Variants in FAM124A observed in about 807,000 individuals in gnomAD.
The protein encoded by FAM124A is family with sequence similarity 124 member A, also known as protein FAM124A.
A neutral mutation model predicts 24.5 loss-of-function variants in FAM124A; 23 were observed. That is an observed-to-expected ratio of 0.94 (90% CI 0.68 to 1.33). FAM124A has a LOEUF of 1.33. Ranked by LOEUF, FAM124A falls within the 40% of genes most tolerant of loss-of-function variation. The probability of loss-of-function intolerance (pLI) is 0.00; values close to 1 mark genes in which losing one functional copy is unlikely to be tolerated. For synonymous variants in FAM124A, 287 were observed against 314.7 expected (o/e 0.91, Z 0.93); for missense variants, 623 against 722.8 (o/e 0.86, Z 1.58).
At chr13:51,254,882 T>C (rs142841574) in intron 3 of FAM124A, among the ~76,000 whole-genome samples, 52 of 152,304 alleles carry the variant, frequency 3.4e-4, no homozygotes, top group African/African-American at 1.1e-3. Context: ...ACCAAAAAGT[T>C]CACATTGTAA....
rs1350646237 is a variant in FAM124A at position 51,282,661 on chromosome 13, G to A, written c.*1405G>A. ...GCACAGTGTTCATCTCTCTGGAAATGCCCACGCCAGCCCAGACACAGCCTC... is the reference window on the plus strand; with the variant it reads ...GCACAGTGTTCATCTCTCTGGAAATACCCACGCCAGCCCAGACACAGCCTC... On this transcript the variant is annotated 3_prime_UTR_variant, in exon 4 of 4. Coordinates refer to ENST00000322475, the MANE Select transcript of FAM124A (RefSeq NM_001242312.2). 6.6e-6 allele frequency: 1 copy of A among 152,114 alleles called. No individual in the cohort carries two copies. The highest frequency in any genetic ancestry group is 6.5e-5 in the Admixed American group (1 of 15,268). The allele number at this position is 152,114 out of a possible 1,614,324, so 9.4% of individuals were successfully genotyped here. A position where few individuals can be genotyped will look rare whatever the true frequency, so the allele number is the denominator to read the frequency against.
Position 51,251,357 on chromosome 13 carries a change from G to A in FAM124A, c.101-111G>A. Reference sequence around the variant, plus strand: ...AATCACAGGTCATGGAGTCAGTTCAGTTAGAATTTGACTTCTCTTCCTGTC... The same window carrying A: ...AATCACAGGTCATGGAGTCAGTTCAATTAGAATTTGACTTCTCTTCCTGTC... On this transcript the variant is annotated intron_variant, in intron 2 of 3. Transcript: ENST00000322475. This position sits in a 1 kb window ranked among gnomAD's most constrained non-coding sequence, Gnocchi z 5.3. The A allele has an allele frequency of 7.5e-7, 1 of 1,329,796 alleles. No homozygotes were observed. The highest frequency in any genetic ancestry group is 2.5e-5 in the South Asian group (1 of 40,446). 82.4% of individuals were successfully genotyped at this position (1,329,796 alleles called of 1,614,324 possible).
chr13:51,264,010 T>C (rs1954761523), intron 3 of FAM124A, among the ~76,000 whole-genome samples: 1 of 152,204 alleles, frequency 6.6e-6, no homozygotes, highest in Non-Finnish European at 1.5e-5. Context: ...TCATTCAAAA[T>C]AACAGTAAAT....
intron 1 of FAM124A, among the ~76,000 whole-genome samples, chr13:51,230,235 C>T (rs2137646709): frequency 6.6e-6 from 1 of 152,042 alleles, no homozygotes; most frequent in Non-Finnish European, 1.5e-5. Flanking sequence ...CATTTTGTTC[C>T]TCGACCAATA....
chr13:51,267,253 C>A (rs1954793593), intron 3 of FAM124A, among the ~76,000 whole-genome samples: 1 of 152,134 alleles, frequency 6.6e-6, no homozygotes, highest in Non-Finnish European at 1.5e-5. Flanking sequence ...TAGATAAACC[C>A]TCCTGTGGAA....
At chr13:51,265,356 AG>A (rs1954775339) in intron 3 of FAM124A, among the ~76,000 whole-genome samples, 2 of 150,850 alleles carry the variant, frequency 1.3e-5, no homozygotes, top group African/African-American at 4.9e-5. Flanking sequence ...GCCCAGGGCC[AG>A]GTGAAGCTGA....
intron 3 of FAM124A, among the ~76,000 whole-genome samples, chr13:51,271,740 G>T (rs923098749): frequency 6.6e-6 from 1 of 152,134 alleles, no homozygotes; most frequent in African/African-American, 2.4e-5. Flanking sequence ...TCTTGAGGAC[G>T]CTGCCAGTAT....
At chr13:51,228,342 A>T (rs1038775116) in intron 1 of FAM124A, among the ~76,000 whole-genome samples, 1 of 152,222 alleles carries the variant, frequency 6.6e-6, no homozygotes, top group Non-Finnish European at 1.5e-5. Context: ...AATATAGACA[A>T]GGGACTGCAT....
At chr13:51,262,977 G>A (rs913879217) in intron 3 of FAM124A, among the ~76,000 whole-genome samples, 2 of 152,226 alleles carry the variant, frequency 1.3e-5, no homozygotes, top group African/African-American at 4.8e-5. Flanking sequence ...CACAGGGTCA[G>A]GTAGAGGGCT....
chr13:51,247,855 C>T (rs1360494328), intron 2 of FAM124A, among the ~76,000 whole-genome samples: 1 of 152,172 alleles, frequency 6.6e-6, no homozygotes, highest in Admixed American at 6.5e-5. Context: ...CGCAGCTTTA[C>T]TACTTTTGCG....
In FAM124A at chr13:51,246,410, G is replaced by A. The variant is rs564549549; in HGVS notation, c.101-5058G>A. On this transcript the variant is annotated intron_variant, in intron 2 of 3. Coordinates refer to ENST00000322475, the MANE Select transcript of FAM124A (RefSeq NM_001242312.2). The stretch of plus-strand genomic sequence containing the variant: ...AGGCATGTTTCTCGTGGGGTGGGGG[G>A]GGGTGTAACTCTAACACCTGATGAC... 2.5e-3 allele frequency among the ~76,000 whole-genome samples: 356 copies of A among 140,600 alleles called. 31 individuals are homozygous for A. In the South Asian group the frequency reaches 0.035, roughly 14 times the overall value. The allele number at this position is 140,600 out of a possible 152,430, so 92.2% of individuals were successfully genotyped here. A position where few individuals can be genotyped will look rare whatever the true frequency, so the allele number is the denominator to read the frequency against.
chr13:51,284,155 G>C lies in FAM124A; in HGVS notation c.*2899G>C, dbSNP rs1268901796. On this transcript the variant is annotated 3_prime_UTR_variant, in exon 4 of 4. Coordinates refer to ENST00000322475, the MANE Select transcript of FAM124A (RefSeq NM_001242312.2). ...CCAGAAGGGCTTCCAATACTCTCTGGAGGATCCTGACTCGTTTGGAGTATT... is the reference window on the plus strand; with the variant it reads ...CCAGAAGGGCTTCCAATACTCTCTGCAGGATCCTGACTCGTTTGGAGTATT... 4.7e-4 allele frequency: 71 copies of C among 152,154 alleles called. 1 individual carries two copies. Among genetic ancestry groups the C allele is most frequent in the Admixed American group, 4.7e-3 (71 of 15,268 alleles). The allele number at this position is 152,154 out of a possible 1,614,324, so 9.4% of individuals were successfully genotyped here.
chr13:51,249,426 C>A (rs1313110090), intron 2 of FAM124A, among the ~76,000 whole-genome samples: 1 of 152,244 alleles, frequency 6.6e-6, no homozygotes, highest in South Asian at 2.1e-4. Flanking sequence ...TGACTCCGCT[C>A]TTACCTTAGT....
intron 2 of FAM124A, among the ~76,000 whole-genome samples, chr13:51,245,029 C>T (rs953951756): frequency 6.6e-6 from 1 of 152,168 alleles, no homozygotes; most frequent in East Asian, 1.9e-4. Context: ...TGTGGACACA[C>T]AAGGAGTGAG....
At chr13:51,233,800 A>T (rs896002914) in intron 2 of FAM124A, among the ~76,000 whole-genome samples, 2 of 152,244 alleles carry the variant, frequency 1.3e-5, no homozygotes, top group African/African-American at 4.8e-5. Flanking sequence ...AGAAAAAAAA[A>T]TATTTCCTAA....
intron 1 of FAM124A, among the ~76,000 whole-genome samples, chr13:51,228,877 C>T (rs1954344109): frequency 6.6e-6 from 1 of 152,074 alleles, no homozygotes; most frequent in Non-Finnish European, 1.5e-5. Context: ...AATATAAAGC[C>T]ATATTCATAA....
At chr13:51,235,364 A>G (rs1954425088) in intron 2 of FAM124A, among the ~76,000 whole-genome samples, 1 of 152,128 alleles carries the variant, frequency 6.6e-6, no homozygotes, top group African/African-American at 2.4e-5. Flanking sequence ...TAAACAGGAG[A>G]AAAGAAAAAC....
chr13:51,276,039 T>C (rs1213819747), intron 3 of FAM124A, among the ~76,000 whole-genome samples: 19 of 151,956 alleles, frequency 1.3e-4, no homozygotes, highest in Admixed American at 1.2e-3. Flanking sequence ...GAGCATGAGG[T>C]GTTTGGGAGC....
chr13:51,251,928 C>T lies in FAM124A; in HGVS notation c.561C>T (p.Leu187=), dbSNP rs902993948. Residue 187 remains leucine, a synonymous_variant, in exon 3 of 4, where the codon CTC becomes CTT. Transcript: ENST00000322475. The surrounding 1 kb of genome is among the most constrained non-coding windows in gnomAD (Gnocchi z 5.3). ...YCRYDNYADS[L]RFYQLILRRS... ...GCTACGACAACTATGCTGACAGCCT[C>T]AGGTTCTACCAGCTGATTCTCCGGA... 1.9e-6 allele frequency: 3 copies of T among 1,614,214 alleles called. No individual in the cohort carries two copies. Among genetic ancestry groups the T allele is most frequent in the East Asian group, 2.2e-5 (1 of 44,878 alleles).
Sources: gnomAD v4.1 joint callset for allele counts (sites outside exome capture counted in the v4.1 genomes callset) on GRCh38, gnomAD v4.1.1 for gene constraint, Gnocchi (gnomAD v3.1) non-coding constraint, MANE v1.5 for transcripts, NCBI Gene and HGNC (gene_info 2026-07-23, HGNC 2026-07-21) for gene names.